The following KCNQ1OT1 variants were observed in gnomAD, a reference collection of about 807,000 sequenced individuals.
KCNQ1OT1 encodes the protein KCNQ1 antisense RNA 2 (non-protein coding).
chr11:2,694,775 C>A (rs1332934676), exon 1 of KCNQ1OT1: 1 of 398,118 alleles, frequency 2.5e-6, no homozygotes, highest in East Asian at 3.6e-5. Flanking sequence ...GTAGCCTGTG[C>A]TTTGCAGAGA....
chr11:2,694,573 T>C (rs561334872), exon 1 of KCNQ1OT1: 1 of 398,568 alleles, frequency 2.5e-6, no homozygotes, highest in Non-Finnish European at 4.4e-6. Flanking sequence ...GTTGTGAAAA[T>C]GGAGGCACAC....
chr11:2,686,223 C>T (rs1227414122), exon 1 of KCNQ1OT1: 2 of 398,782 alleles, frequency 5.0e-6, no homozygotes, highest in Non-Finnish European at 8.8e-6. Context: ...AGCTGTGTGA[C>T]CTTTAGGCCT....
chr11:2,671,806 T>G lies in KCNQ1OT1; in HGVS notation n.28189A>C, dbSNP rs1850188184. 1 of 398,574 alleles carries G rather than the reference T, an allele frequency of 2.5e-6. No individual in the cohort carries two copies. Among genetic ancestry groups the G allele is most frequent in the South Asian group, 1.3e-4 (1 of 7,868 alleles). The allele number at this position is 398,574 out of a possible 1,614,324, so 24.7% of individuals were successfully genotyped here. On this transcript the variant is annotated non_coding_transcript_exon_variant, in exon 1 of 1. Transcript: ENST00000597346. The surrounding 1 kb of genome is among the most constrained non-coding windows in gnomAD (Gnocchi z 4.7). ...ACCCAGTCAGGGTTCTTCCCCCAAA[T>G]AAATCCCTGCAACCCCACTGTGGTT...
chr11:2,647,133 A>T lies in KCNQ1OT1; in HGVS notation n.52862T>A, dbSNP rs1183369279. 3 of 398,346 alleles carry T rather than the reference A, an allele frequency of 7.5e-6. No individual in the cohort carries two copies. Among genetic ancestry groups the T allele is most frequent in the Non-Finnish European group, 1.3e-5 (3 of 226,016 alleles). The allele number at this position is 398,346 out of a possible 1,614,324, so 24.7% of individuals were successfully genotyped here. A position where few individuals can be genotyped will look rare whatever the true frequency, so the allele number is the denominator to read the frequency against. On this transcript the variant is annotated non_coding_transcript_exon_variant, in exon 1 of 1. Coordinates refer to ENST00000597346, the Ensembl canonical transcript of KCNQ1OT1. The surrounding 1 kb of genome is among the most constrained non-coding windows in gnomAD (Gnocchi z 4.0). ...GGTTTGTCATATATGACCTTCATTG[A>T]GTTATGTTCCTTCTAGACATTATGT...
chr11:2,680,766 A>G (rs191701867), exon 1 of KCNQ1OT1: 1 of 394,320 alleles, frequency 2.5e-6, no homozygotes, highest in East Asian at 3.6e-5. Context: ...CTACTAACCT[A>G]TTCTTCATTT....
At chr11:2,637,306 C>T (rs1301940157) in exon 1 of KCNQ1OT1, 1 of 152,140 alleles carries the variant, frequency 6.6e-6, no homozygotes, top group Non-Finnish European at 1.5e-5. Flanking sequence ...CCTGCTTTCT[C>T]TTGTGGGCAT....
rs1198767607 is a variant in KCNQ1OT1 at position 2,652,650 on chromosome 11, A to T, written n.47345T>A. On this transcript the variant is annotated non_coding_transcript_exon_variant, in exon 1 of 1. Transcript: ENST00000597346. The surrounding 1 kb of genome is among the most constrained non-coding windows in gnomAD (Gnocchi z 5.9). The stretch of plus-strand genomic sequence containing the variant: ...GACCTAGACAGTGACTTCCTGCAGC[A>T]TGGAGACCCGGGTGGGTCGATTTTA... 1.5e-5 allele frequency: 6 copies of T among 398,600 alleles called. No homozygotes were observed. The East Asian group carries it at 2.1e-4, about 14-fold the overall frequency. The allele number at this position is 398,600 out of a possible 1,614,324, so 24.7% of individuals were successfully genotyped here.
chr11:2,656,795 T>C (rs1386282422), exon 1 of KCNQ1OT1: 3 of 398,524 alleles, frequency 7.5e-6, no homozygotes, highest in African/African-American at 2.1e-5. Flanking sequence ...AATGCTGATG[T>C]CATTAAGATA....
chr11:2,624,557 A>G lies in KCNQ1OT1; in HGVS notation n.75438T>C. On this transcript the variant is annotated non_coding_transcript_exon_variant, in exon 1 of 1. Coordinates refer to ENST00000597346, the Ensembl canonical transcript of KCNQ1OT1. This position sits in a 1 kb window ranked among gnomAD's most constrained non-coding sequence, Gnocchi z 4.9. ...GGATTTCTATTTGTTGTTGATTTCC[A>G]AATCTTTTATTGTGGCAAAATACAC... 2.5e-6 allele frequency: 1 copy of G among 398,486 alleles called. No homozygotes were observed. 24.7% of individuals were successfully genotyped at this position (398,486 alleles called of 1,614,324 possible). A position where few individuals can be genotyped will look rare whatever the true frequency, so the allele number is the denominator to read the frequency against.
Position 2,646,301 on chromosome 11 carries a change from TATG to T in KCNQ1OT1, n.53691_53693del, listed in dbSNP as rs373846221. On this transcript the variant is annotated non_coding_transcript_exon_variant, in exon 1 of 1. Coordinates refer to ENST00000597346, the Ensembl canonical transcript of KCNQ1OT1. ...GCATCTGTATATTGCTATAGGTAAA[TATG>T]ATCATTTTAACATTTTTCTTTCAAT... The T allele has an allele frequency of 2.3e-3, 914 of 398,586 alleles. 4 individuals are homozygous for T. Among genetic ancestry groups the T allele is most frequent in the African/African-American group, 0.017 (820 of 48,728 alleles). 24.7% of individuals were successfully genotyped at this position (398,586 alleles called of 1,614,324 possible). A position where few individuals can be genotyped will look rare whatever the true frequency, so the allele number is the denominator to read the frequency against.
At chr11:2,640,501 G>A (rs1241540115) in exon 1 of KCNQ1OT1, 6 of 397,718 alleles carry the variant, frequency 1.5e-5, no homozygotes, top group Admixed American at 4.4e-5. Context: ...GCCCAGGCTG[G>A]TCTTGAATTC....
In KCNQ1OT1 at chr11:2,653,546, C is replaced by T; in HGVS notation, n.46449G>A. On this transcript the variant is annotated non_coding_transcript_exon_variant, in exon 1 of 1. Coordinates refer to ENST00000597346, the Ensembl canonical transcript of KCNQ1OT1. The surrounding 1 kb of genome is among the most constrained non-coding windows in gnomAD (Gnocchi z 5.3). Reference sequence around the variant, plus strand: ...GCTCTCACTCTCCCCTCTTGCACTCCCCTTCTCCCTTCCCGTTCCCTCTTT... The same window carrying T: ...GCTCTCACTCTCCCCTCTTGCACTCTCCTTCTCCCTTCCCGTTCCCTCTTT... 2.5e-6 allele frequency: 1 copy of T among 398,912 alleles called. No individual in the cohort carries two copies. Among genetic ancestry groups the T allele is most frequent in the Non-Finnish European group, 4.4e-6 (1 of 226,252 alleles). The allele number at this position is 398,912 out of a possible 1,614,324, so 24.7% of individuals were successfully genotyped here.
chr11:2,623,637 C>G lies in KCNQ1OT1; in HGVS notation n.76358G>C, dbSNP rs1849211749. On this transcript the variant is annotated non_coding_transcript_exon_variant, in exon 1 of 1. Coordinates refer to ENST00000597346, the Ensembl canonical transcript of KCNQ1OT1. This position sits in a 1 kb window ranked among gnomAD's most constrained non-coding sequence, Gnocchi z 5.2. Reference sequence around the variant, plus strand: ...TTAGTGATGAATAATATTTCATTGCCTGGATGTACTACAGTTTATCTGTCT... The same window carrying G: ...TTAGTGATGAATAATATTTCATTGCGTGGATGTACTACAGTTTATCTGTCT... 1 of 398,368 alleles carries G rather than the reference C, an allele frequency of 2.5e-6. No individual in the cohort carries two copies. 24.7% of individuals were successfully genotyped at this position (398,368 alleles called of 1,614,324 possible). A position where few individuals can be genotyped will look rare whatever the true frequency, so the allele number is the denominator to read the frequency against.
chr11:2,674,666 T>C lies in KCNQ1OT1; in HGVS notation n.25329A>G. 2.5e-6 allele frequency: 1 copy of C among 398,376 alleles called. No individual in the cohort carries two copies. The highest frequency in any genetic ancestry group is 1.3e-4 in the South Asian group (1 of 7,846). The allele number at this position is 398,376 out of a possible 1,614,324, so 24.7% of individuals were successfully genotyped here. On this transcript the variant is annotated non_coding_transcript_exon_variant, in exon 1 of 1. Transcript: ENST00000597346. The surrounding 1 kb of genome is among the most constrained non-coding windows in gnomAD (Gnocchi z 5.9). The stretch of plus-strand genomic sequence containing the variant: ...TGGAAAGCCAGAACTTTTTGCAAAA[T>C]AATTTGAAAAGTTTGTTGAACCTTA...
At chr11:2,610,863 T>A in exon 1 of KCNQ1OT1, 2 of 398,080 alleles carry the variant, frequency 5.0e-6, no homozygotes, top group Non-Finnish European at 8.8e-6. Flanking sequence ...TTAAGCAGAG[T>A]GCCACATAGC....
rs73419343 is a variant in KCNQ1OT1, at chr11:2,698,269, G to C, written n.1726C>G. 822 of 398,614 alleles carry C rather than the reference G, an allele frequency of 2.1e-3. 4 individuals are homozygous for C. Among genetic ancestry groups the C allele is most frequent in the African/African-American group, 0.016 (763 of 48,748 alleles). The allele number at this position is 398,614 out of a possible 1,614,324, so 24.7% of individuals were successfully genotyped here. A position where few individuals can be genotyped will look rare whatever the true frequency, so the allele number is the denominator to read the frequency against. On this transcript the variant is annotated non_coding_transcript_exon_variant, in exon 1 of 1. Transcript: ENST00000597346. The surrounding 1 kb of genome is among the most constrained non-coding windows in gnomAD (Gnocchi z 5.1). Reference sequence around the variant, plus strand: ...GTTTTTATACTTTGTGATAATCTAAGACAGAACTATTCTACCTGGATGAAT... The same window carrying C: ...GTTTTTATACTTTGTGATAATCTAACACAGAACTATTCTACCTGGATGAAT...
chr11:2,638,909 G>A (rs897327392), exon 1 of KCNQ1OT1: 11 of 152,226 alleles, frequency 7.2e-5, no homozygotes, highest in South Asian at 2.1e-4. Flanking sequence ...GGCTTTGTTC[G>A]TTTGTTTTTA....
At position 2,657,460 on chromosome 11, in the gene KCNQ1OT1, A is replaced by G. The variant is rs1849870299; in HGVS notation, n.42535T>C. ...AATTAATATTCTTTTGTGCTATTGT[A>G]TACAGGTTCTGTTTTCTCTTGTTAC... On this transcript the variant is annotated non_coding_transcript_exon_variant, in exon 1 of 1. Transcript: ENST00000597346. The surrounding 1 kb of genome is among the most constrained non-coding windows in gnomAD (Gnocchi z 4.8). The G allele has an allele frequency of 2.8e-5, 11 of 398,446 alleles. No individual in the cohort carries two copies. The highest frequency in any genetic ancestry group is 4.4e-5 in the Non-Finnish European group (10 of 226,040). The allele number at this position is 398,446 out of a possible 1,614,324, so 24.7% of individuals were successfully genotyped here.
chr11:2,626,013 T>TAATA lies in KCNQ1OT1; in HGVS notation n.73981_73982insTATT. The TAATA allele has an allele frequency of 2.5e-6, 1 of 398,674 alleles. No individual in the cohort carries two copies. The highest frequency in any genetic ancestry group is 4.4e-6 in the Non-Finnish European group (1 of 226,068). The allele number at this position is 398,674 out of a possible 1,614,324, so 24.7% of individuals were successfully genotyped here. A position where few individuals can be genotyped will look rare whatever the true frequency, so the allele number is the denominator to read the frequency against. The stretch of plus-strand genomic sequence containing the variant: ...GGTTGTCTTATTGCTTAGTTGATAT[T>TAATA]ATTTTAATGCACACAATGTAAATTT... On this transcript the variant is annotated non_coding_transcript_exon_variant, in exon 1 of 1. Transcript: ENST00000597346. This position sits in a 1 kb window ranked among gnomAD's most constrained non-coding sequence, Gnocchi z 4.0.
Sources: gnomAD v4.1 joint callset for allele counts on GRCh38, gnomAD v4.1.1 for gene constraint, Gnocchi (gnomAD v3.1) non-coding constraint, MANE v1.5 for transcripts, NCBI Gene and HGNC (gene_info 2026-07-23, HGNC 2026-07-21) for gene names.